Variants in PEX6 observed in about 807,000 individuals in gnomAD.
The protein encoded by PEX6 is peroxisome biogenesis factor 6.
A neutral mutation model predicts 85.6 loss-of-function variants in PEX6; 55 were observed. The observed-to-expected ratio is 0.64, with a 90% CI of 0.52 to 0.80. The LOEUF (loss-of-function observed/expected upper bound fraction) is 0.80, where lower values mean the gene tolerates loss of function less well. Among genes scored for constraint, PEX6 ranks in the 30% least tolerant of loss-of-function variants. The pLI, the probability that PEX6 is intolerant of heterozygous loss-of-function variation, is 0.00. For synonymous variants in PEX6, 519 were observed against 549.1 expected, an observed-to-expected ratio of 0.95 and a Z score of 0.77; for missense variants, 1,099 against 1,260.3, an observed-to-expected ratio of 0.87 and a Z score of 1.94.
At position 42,969,675 on chromosome 6, in the gene PEX6, G is replaced by A. The variant is rs1554127491; in HGVS notation, c.1360C>T (p.Gln454Ter). Residue 454 changes from glutamine (Q) to a stop codon, truncating the protein, a stop_gained, in exon 5 of 17, where the codon CAG becomes TAG. Transcript: ENST00000304611. LOFTEE classifies it high-confidence loss of function. ...GGTGATGACCTCACTCACCCTGGCTGGAGGCGAGGCTTCAGGACAGCACAG... is the reference window on the plus strand; with the variant it reads ...GGTGATGACCTCACTCACCCTGGCTAGAGGCGAGGCTTCAGGACAGCACAG... ...ELCAVLKPRL[Q>*]PGGALLTGTS... The A allele has an allele frequency of 6.2e-7, 1 of 1,612,720 alleles. No individual in the cohort carries two copies. Among genetic ancestry groups the A allele is most frequent in the Admixed American group, 1.7e-5 (1 of 60,022 alleles).
rs747942367 is a variant in PEX6, at chr6:42,978,664, G to C, written c.487C>G (p.Arg163Gly). 2 of 1,563,812 alleles carry C rather than the reference G, an allele frequency of 1.3e-6. No homozygotes were observed. The highest frequency in any genetic ancestry group is 1.2e-5 in the South Asian group (1 of 86,954). ...TRLAVTELRGRARLCPESGDS... is the reference protein window; with the variant it reads ...TRLAVTELRGGARLCPESGDS... ...CCAGACTCTGGACACAGTCTGGCCC[G>C]CCCGCGGAGCTCAGTCACAGCCAGC... is the stretch of plus-strand genomic sequence containing the variant. The change falls in exon 1 of 17, where the codon CGG (arginine) becomes GGG (glycine). Residue 163 changes from arginine to glycine, a missense_variant. Arg to Gly is a moderately radical substitution (Grantham distance 125). Coordinates refer to ENST00000304611, the MANE Select transcript of PEX6 (RefSeq NM_000287.4).
chr6:42,968,256 C>A (rs1214627262), intron 7 of PEX6, 34 bp downstream of exon 7: 4 of 1,593,538 alleles, frequency 2.5e-6, no homozygotes, highest in East Asian at 2.2e-5. Flanking sequence ...AGCCGGCCCC[C>A]CCAGCTTTGA....
chr6:42,970,985 G>T (rs891187989), intron 3 of PEX6, among the ~76,000 whole-genome samples: 3 of 152,272 alleles, frequency 2.0e-5, no homozygotes, highest in Non-Finnish European at 4.4e-5. Context: ...TCCAGATAAA[G>T]AAATCATGAA....
chr6:42,967,612 C>T (rs1427314442), intron 7 of PEX6, 49 bp from the exon 8 acceptor site: 2 of 1,537,954 alleles, frequency 1.3e-6, no homozygotes, highest in Non-Finnish European at 1.8e-6. Context: ...GCTGGCAGCT[C>T]CTGTGGACTG....
chr6:42,977,834 A>G (rs1248184535), intron 1 of PEX6, among the ~76,000 whole-genome samples: 2 of 142,502 alleles, frequency 1.4e-5, no homozygotes, highest in Admixed American at 1.4e-4. Context: ...AGGCTAAGAA[A>G]CATTATGCTT....
rs1267807115 is a variant in PEX6 at position 42,978,954 on chromosome 6, T to C, written c.197A>G (p.Glu66Gly). The C allele has an allele frequency of 4.7e-6, 7 of 1,497,226 alleles. No homozygotes were observed. Among genetic ancestry groups the C allele is most frequent in the Non-Finnish European group, 5.3e-6 (6 of 1,131,808 alleles). 92.7% of individuals were successfully genotyped at this position (1,497,226 alleles called of 1,614,324 possible). Residue 66 changes from glutamate to glycine, a missense_variant, in exon 1 of 17, where the codon GAG (glutamate) becomes GGG (glycine). By Grantham distance (98) the Glu-to-Gly change is moderately conservative. Transcript: ENST00000304611. Reference protein sequence around the residue: ...ALEGPDAGTEEQGPGPPQLLV... With the variant: ...ALEGPDAGTEGQGPGPPQLLV... Reference sequence around the variant, plus strand: ...TAGCTGCGGCGGCCCGGGACCCTGCTCTTCGGTGCCCGCGTCCGGCCCCTC... The same window carrying C: ...TAGCTGCGGCGGCCCGGGACCCTGCCCTTCGGTGCCCGCGTCCGGCCCCTC...
At position 42,964,856 on chromosome 6, in the gene PEX6, G is replaced by A. The variant is rs746721077; in HGVS notation, c.2740C>T (p.Leu914Phe). 1 of 1,614,154 alleles carries A rather than the reference G, an allele frequency of 6.2e-7. No individual in the cohort carries two copies. Among genetic ancestry groups the A allele is most frequent in the Non-Finnish European group, 8.5e-7 (1 of 1,180,008 alleles). ...CCPPQLTGAD[L>F]YSLCSDAMTA... The stretch of plus-strand genomic sequence containing the variant: ...ATAGCATCAGAGCAGAGAGAGTAGA[G>A]GTCCGCGCCCGTCAGCTGGGGAGGG... Residue 914 changes from leucine to phenylalanine, a missense_variant, in exon 16 of 17, where the codon CTC (leucine) becomes TTC (phenylalanine). Coordinates refer to ENST00000304611, the MANE Select transcript of PEX6 (RefSeq NM_000287.4). This position sits in a 1 kb window ranked among gnomAD's most constrained non-coding sequence, Gnocchi z 4.6.
rs1249940463 is a variant in PEX6 at position 42,965,042 on chromosome 6, A to T, written c.2666+33T>A. The T allele has an allele frequency of 6.2e-7, 1 of 1,612,838 alleles. No homozygotes were observed. The highest frequency in any genetic ancestry group is 8.5e-7 in the Non-Finnish European group (1 of 1,178,780). ...CATCCCCTAAGCATCCCAAGGCCCA[A>T]GCCCTTCGCAGTCTTCCTCTAACAG... On this transcript the variant is annotated intron_variant, in intron 15 of 16. Transcript: ENST00000304611. This position sits in a 1 kb window ranked among gnomAD's most constrained non-coding sequence, Gnocchi z 5.0.
At chr6:42,968,253 C>A (rs376954362) in intron 7 of PEX6, 37 bp downstream of exon 7, 68 of 1,580,180 alleles carry the variant, frequency 4.3e-5, no homozygotes, top group African/African-American at 4.0e-4. Context: ...CCCAGCCGGC[C>A]CCCCCAGCTT....
chr6:42,975,724 T>C (rs1194869913), intron 1 of PEX6, among the ~76,000 whole-genome samples: 1 of 152,034 alleles, frequency 6.6e-6, no homozygotes. Flanking sequence ...TTTTTTTTTT[T>C]TTTTGAGACT....
intron 8 of PEX6, 92 bp from the exon 9 acceptor site, chr6:42,966,950 G>A: frequency 1.2e-6 from 1 of 818,234 alleles, no homozygotes; most frequent in Non-Finnish European, 2.1e-6. Flanking sequence ...GCCCTCTGTT[G>A]ATGCCTTAGG....
intron 1 of PEX6, among the ~76,000 whole-genome samples, chr6:42,976,708 T>A (rs544245467): frequency 6.6e-6 from 1 of 152,120 alleles, no homozygotes; most frequent in African/African-American, 2.4e-5. Flanking sequence ...GTCACTCTTA[T>A]GTCTGTTATG....
Position 42,968,338 on chromosome 6 carries a change from A to G in PEX6, c.1640T>C (p.Val547Ala), listed in dbSNP as rs751696195. The change falls in exon 7 of 17, where the codon GTG (valine) becomes GCG (alanine). Residue 547 changes from valine (V) to alanine (A), a missense_variant. By Grantham distance (64) the Val-to-Ala change is moderately conservative. Coordinates refer to ENST00000304611, the MANE Select transcript of PEX6 (RefSeq NM_000287.4). ...GAGGAGGTGACGCAGCACAGCCATCACACGGGCATCCTCACCCAGCCCATC... is the reference window on the plus strand; with the variant it reads ...GAGGAGGTGACGCAGCACAGCCATCGCACGGGCATCCTCACCCAGCCCATC... Reference protein sequence around the residue: ...DRDGLGEDARVMAVLRHLLLN... With the variant: ...DRDGLGEDARAMAVLRHLLLN... 1 of 1,614,154 alleles carries G rather than the reference A, an allele frequency of 6.2e-7. No individual in the cohort carries two copies. Among genetic ancestry groups the G allele is most frequent in the South Asian group, 1.1e-5 (1 of 91,086 alleles).
intron 5 of PEX6, among the ~76,000 whole-genome samples, 193 bp from the exon 6 acceptor site, chr6:42,969,178 G>A (rs1190440442): frequency 1.3e-5 from 2 of 152,218 alleles, no homozygotes; most frequent in East Asian, 3.8e-4. Flanking sequence ...TCTGGCCGGG[G>A]CATCCAGCAT....
Position 42,964,291 on chromosome 6 carries a change from T to C in PEX6, c.*44A>G. On this transcript the variant is annotated 3_prime_UTR_variant, in exon 17 of 17. Coordinates refer to ENST00000304611, the MANE Select transcript of PEX6 (RefSeq NM_000287.4). The surrounding 1 kb of genome is among the most constrained non-coding windows in gnomAD (Gnocchi z 4.6). ...CAGATCTCTCTGTGGGCTATCAAGG[T>C]ACCTGCAGCCATGCTGAGCGGGGTC... 6.2e-7 allele frequency: 1 copy of C among 1,610,674 alleles called. No homozygotes were observed. The highest frequency in any genetic ancestry group is 8.5e-7 in the Non-Finnish European group (1 of 1,177,924).
At position 42,966,452 on chromosome 6, in the gene PEX6, G is replaced by T. The variant is rs767855059; in HGVS notation, c.2095-5C>A. On this transcript the variant is annotated splice_region_variant and splice_polypyrimidine_tract_variant and intron_variant, in intron 10 of 16. Transcript: ENST00000304611. ...ATGCCAGGACACTGAGGGGATCTAG[G>T]AGATGGAAAGTGCGTGGTTGGGATA... is the stretch of plus-strand genomic sequence containing the variant. 1 of 1,614,068 alleles carries T rather than the reference G, an allele frequency of 6.2e-7. No individual in the cohort carries two copies. The highest frequency in any genetic ancestry group is 1.1e-5 in the South Asian group (1 of 91,078).
In PEX6 at chr6:42,969,775, T is replaced by C. The variant is rs139409107; in HGVS notation, c.1260A>G (p.Pro420=). 12 of 1,613,824 alleles carry C rather than the reference T, an allele frequency of 7.4e-6. No homozygotes were observed. The South Asian group carries it at 8.8e-5, about 12-fold the overall frequency. Residue 420 remains proline (P), a synonymous_variant, in exon 5 of 17, where the codon CCA becomes CCG. Coordinates refer to ENST00000304611, the MANE Select transcript of PEX6 (RefSeq NM_000287.4). ...GAGTGGATTCCTCTGAAGGGAGCCATGGAACAGGGCTCAGGGTAGAACCCA... is the reference window on the plus strand; with the variant it reads ...GAGTGGATTCCTCTGAAGGGAGCCACGGAACAGGGCTCAGGGTAGAACCCA... ...YMVGSTLSPV[P]WLPSEESTLW... is the part of the protein sequence containing the mutation.
At chr6:42,969,366 A>C in intron 5 of PEX6, among the ~76,000 whole-genome samples, 1 of 152,178 alleles carries the variant, frequency 6.6e-6, no homozygotes, top group East Asian at 1.9e-4. Context: ...CCAGGGCAGT[A>C]AAGTGCAGGA....
At chr6:42,966,967 GTTTT>G (rs144477517) in intron 8 of PEX6, 109 bp from the exon 9 acceptor site, 3,994 of 470,866 alleles carry the variant, frequency 8.5e-3, no homozygotes, top group Non-Finnish European at 9.9e-3. Flanking sequence ...TAGGTTTGTT[GTTTT>G]TTTTTTTTTT....
Sources: gnomAD v4.1 joint callset for allele counts (sites outside exome capture counted in the v4.1 genomes callset) on GRCh38, gnomAD v4.1.1 for gene constraint, Gnocchi (gnomAD v3.1) non-coding constraint, MANE v1.5 for transcripts, NCBI Gene and HGNC (gene_info 2026-07-23, HGNC 2026-07-21) for gene names.